The following KIF6 variants were observed in gnomAD, a reference collection of about 807,000 sequenced individuals.
The protein encoded by KIF6 is kinesin family member 6, also known as kinesin-like protein KIF6.
Under a neutral mutation model 112.7 loss-of-function variants are expected in KIF6, and 106 were observed. That is an observed-to-expected ratio of 0.94 (90% CI 0.80 to 1.11). KIF6 has a LOEUF of 1.11. Ranked by LOEUF, KIF6 falls within the 50% of genes least tolerant of loss-of-function variation. KIF6 has a pLI of 0.00. For missense variants in KIF6, 929 were observed against 964.0 expected (o/e 0.96, Z 0.48); for synonymous variants, 339 against 339.9 (o/e 1.00, Z 0.03).
intron 12 of KIF6, among the ~76,000 whole-genome samples, chr6:39,543,644 T>C (rs538272918): frequency 6.6e-6 from 1 of 152,248 alleles, no homozygotes; most frequent in Non-Finnish European, 1.5e-5. Context: ...AATATCTGTT[T>C]ATAAAGAACT....
At chr6:39,643,807 G>GA in intron 3 of KIF6, among the ~76,000 whole-genome samples, 1 of 151,886 alleles carries the variant, frequency 6.6e-6, no homozygotes, top group African/African-American at 2.4e-5. Context: ...AGAGCCAAAG[G>GA]AAAAAAATAA....
At chr6:39,360,252 A>G in intron 18 of KIF6, 143 bp downstream of exon 18, 1 of 845,718 alleles carries the variant, frequency 1.2e-6, no homozygotes, top group South Asian at 1.9e-5. Context: ...CATCCTTGTT[A>G]CTACAGTGAG....
chr6:39,481,204 C>T (rs1774775893), intron 13 of KIF6, among the ~76,000 whole-genome samples: 1 of 151,958 alleles, frequency 6.6e-6, no homozygotes, highest in East Asian at 1.9e-4. Flanking sequence ...AAAGAAGCTC[C>T]AGAAGTATAC....
intron 13 of KIF6, among the ~76,000 whole-genome samples, chr6:39,477,321 T>A (rs901575512): frequency 1.3e-5 from 2 of 152,196 alleles, no homozygotes; most frequent in African/African-American, 4.8e-5. Flanking sequence ...GTAAAACTTA[T>A]AAATGCATGC....
At chr6:39,579,290 T>A (rs183051089) in intron 9 of KIF6, among the ~76,000 whole-genome samples, 1 of 152,278 alleles carries the variant, frequency 6.6e-6, no homozygotes, top group South Asian at 2.1e-4. Context: ...TAAAATGATA[T>A]CTCATTTTAG....
chr6:39,607,667 C>T (rs1782967817), intron 6 of KIF6, among the ~76,000 whole-genome samples: 1 of 152,110 alleles, frequency 6.6e-6, no homozygotes, highest in Admixed American at 6.6e-5. Flanking sequence ...CTCAAGCAAT[C>T]CTCCTGCCTC....
intron 19 of KIF6, among the ~76,000 whole-genome samples, chr6:39,350,487 T>C (rs185435744): frequency 2.0e-5 from 3 of 152,114 alleles, no homozygotes; most frequent in African/African-American, 4.8e-5. Flanking sequence ...GGGACCATGA[T>C]AGTAGGCACA....
chr6:39,651,856 A>C (rs536951361), intron 3 of KIF6, among the ~76,000 whole-genome samples: 1 of 152,312 alleles, frequency 6.6e-6, no homozygotes, highest in African/African-American at 2.4e-5. Flanking sequence ...GAGATTTAGG[A>C]GCCAGAGTTT....
intron 19 of KIF6, among the ~76,000 whole-genome samples, chr6:39,346,771 C>T (rs1339183758): frequency 6.6e-6 from 1 of 152,178 alleles, no homozygotes. Context: ...CCTCAGCCAT[C>T]CAAGTAGCTG....
At chr6:39,566,065 A>G (rs768019936) in intron 10 of KIF6, among the ~76,000 whole-genome samples, 9 of 152,204 alleles carry the variant, frequency 5.9e-5, no homozygotes, top group Non-Finnish European at 1.0e-4. Context: ...TAACATTTAC[A>G]AGTCCCTTGC....
At position 39,540,084 on chromosome 6, in the gene KIF6, T is replaced by A. The variant is rs114951361; in HGVS notation, c.1564A>T (p.Met522Leu). The A allele has an allele frequency of 9.2e-4, 1,487 of 1,614,172 alleles. 13 individuals are homozygous for A. The African/African-American group carries it at 0.017, about 18-fold the overall frequency. The change falls in exon 13 of 23, where the codon ATG (methionine) becomes TTG (leucine). Residue 522 changes from methionine to leucine, a missense_variant. By Grantham distance (15) the Met-to-Leu change is conservative (BLOSUM62 2). Transcript: ENST00000287152. ...TGTGAGGGAGCTGAGGATAGTCGCA[T>A]TCTTTGACCTTCTTCTGGGTTTCCT... Reference protein sequence around the residue: ...RLGNPEEGQRMRLSSAPSQAQ... With the variant: ...RLGNPEEGQRLRLSSAPSQAQ...
At chr6:39,563,917 T>A (rs917086284) in intron 10 of KIF6, among the ~76,000 whole-genome samples, 1 of 152,234 alleles carries the variant, frequency 6.6e-6, no homozygotes, top group Non-Finnish European at 1.5e-5. Context: ...TTAATTTGCA[T>A]TTCTTTGATA....
intron 20 of KIF6, among the ~76,000 whole-genome samples, chr6:39,346,096 T>TC (rs1763739698): frequency 5.6e-4 from 3 of 5,346 alleles, no homozygotes; most frequent in African/African-American, 2.2e-3. Context: ...CCCCCCCCTC[T>TC]CCCTCCCCCC....
Position 39,342,841 on chromosome 6 carries a change from C to T in KIF6, c.2428+868G>A, listed in dbSNP as rs1212618989. The T allele has an allele frequency of 6.1e-6, 6 of 985,280 alleles. No homozygotes were observed. In the African/African-American group the frequency reaches 7.0e-5, roughly 11 times the overall value. The allele number at this position is 985,280 out of a possible 1,614,324, so 61.0% of individuals were successfully genotyped here. On this transcript the variant is annotated intron_variant, in intron 22 of 22. Transcript: ENST00000287152. The surrounding 1 kb of genome is among the most constrained non-coding windows in gnomAD (Gnocchi z 4.7). ...CGCTCCATCCATGCACAAACCTCTT[C>T]CTGCCCAAACTGCACACGGCTGGTG...
chr6:39,573,314 T>C (rs1780747565), intron 10 of KIF6, among the ~76,000 whole-genome samples: 1 of 152,240 alleles, frequency 6.6e-6, no homozygotes, highest in Admixed American at 6.5e-5. Context: ...AGACTAATGG[T>C]GTTAAATAGC....
At chr6:39,706,362 C>A (rs1789210588) in intron 3 of KIF6, among the ~76,000 whole-genome samples, 1 of 152,156 alleles carries the variant, frequency 6.6e-6, no homozygotes, top group African/African-American at 2.4e-5. Context: ...ATACTGGTTA[C>A]ATCAACTGCT....
chr6:39,354,223 C>T (rs891948691), intron 19 of KIF6: 7 of 255,990 alleles, frequency 2.7e-5, no homozygotes, highest in Non-Finnish European at 5.5e-5. Flanking sequence ...TTGCAGGGTA[C>T]ACAGACCAGG....
At chr6:39,669,023 A>G (rs1786651293) in intron 3 of KIF6, among the ~76,000 whole-genome samples, 1 of 152,156 alleles carries the variant, frequency 6.6e-6, no homozygotes, top group African/African-American at 2.4e-5. Context: ...TTTATTTTTC[A>G]AAATAATTTT....
At chr6:39,692,961 C>T (rs768451727) in intron 3 of KIF6, among the ~76,000 whole-genome samples, 1 of 152,128 alleles carries the variant, frequency 6.6e-6, no homozygotes, top group African/African-American at 2.4e-5. Flanking sequence ...AAAAATATAA[C>T]TATCATAAAC....
Sources: gnomAD v4.1 joint callset for allele counts (sites outside exome capture counted in the v4.1 genomes callset) on GRCh38, gnomAD v4.1.1 for gene constraint, Gnocchi (gnomAD v3.1) non-coding constraint, MANE v1.5 for transcripts, NCBI Gene and HGNC (gene_info 2026-07-23, HGNC 2026-07-21) for gene names.